The following CCDC158 variants were observed in gnomAD, a reference collection of about 807,000 sequenced individuals.
The protein encoded by CCDC158 is coiled-coil domain containing 158.
Under a neutral mutation model 138.6 loss-of-function variants are expected in CCDC158, and 116 were observed. That is an observed-to-expected ratio of 0.84 (90% CI 0.72 to 0.98). The LOEUF (loss-of-function observed/expected upper bound fraction) is 0.98. CCDC158 is among the 50% of genes least tolerant of loss of function. CCDC158 has a pLI of 0.00. For synonymous variants in CCDC158, 436 were observed against 442.4 expected (o/e 0.99, Z 0.18); for missense variants, 1,265 against 1,306.1 (o/e 0.97, Z 0.48).
chr4:76,369,646 T>C, intron 10 of CCDC158, 23 bp from the exon 11 acceptor site: 1 of 1,579,738 alleles, frequency 6.3e-7, no homozygotes, highest in Non-Finnish European at 8.7e-7. Context: ...AGGAATGCTT[T>C]TTTCCTCCCT....
At chr4:76,395,143 C>T (rs977080821) in intron 4 of CCDC158, among the ~76,000 whole-genome samples, 2 of 152,124 alleles carry the variant, frequency 1.3e-5, no homozygotes, top group Admixed American at 6.6e-5. Flanking sequence ...CAAATTAAGA[C>T]ACTGTTTCTT....
chr4:76,397,671 C>T (rs1005019231), intron 3 of CCDC158, among the ~76,000 whole-genome samples: 2 of 152,132 alleles, frequency 1.3e-5, no homozygotes, highest in African/African-American at 4.8e-5. Flanking sequence ...AGTGTTTTCA[C>T]TGTAGGAAAG....
intron 8 of CCDC158, among the ~76,000 whole-genome samples, chr4:76,379,743 TACAC>T (rs34043671): frequency 0.23 from 34,455 of 146,834 alleles, 4,508 homozygotes; most frequent in East Asian, 0.51. Flanking sequence ...TCATATATAT[TACAC>T]ACACACACAC....
intron 20 of CCDC158, 120 bp from the exon 21 acceptor site, chr4:76,331,523 AG>A: frequency 1.3e-6 from 1 of 758,100 alleles, no homozygotes. Context: ...ATCATCTGAC[AG>A]CTGGATAAAT....
At chr4:76,366,463 T>TA (rs201049626) in intron 12 of CCDC158, among the ~76,000 whole-genome samples, 3,960 of 152,236 alleles carry the variant, frequency 0.026, 160 homozygotes, top group African/African-American at 0.088. Flanking sequence ...TCAATTTTTT[T>TA]AAAAAACCCA....
Position 76,353,210 on chromosome 4 carries a change from G to GT in CCDC158, c.2357dup (p.Asn786LysfsTer23), listed in dbSNP as rs1723217808. The GT allele has an allele frequency of 2.5e-6, 4 of 1,613,204 alleles. No homozygotes were observed. The highest frequency in any genetic ancestry group is 2.5e-6 in the Non-Finnish European group (3 of 1,179,588). ...GAACTTCCAACTCCCCAGCCATCTT[G>GT]TTTTTTTCTGTGGCAACAGTACTCA... On this transcript the variant is annotated frameshift_variant, in exon 16 of 25. Transcript: ENST00000682701. LOFTEE classifies it high-confidence loss of function.
chr4:76,345,740 A>G (rs531597813), intron 18 of CCDC158: 2 of 555,604 alleles, frequency 3.6e-6, no homozygotes, highest in East Asian at 3.2e-5. Flanking sequence ...CTTAAAAAAG[A>G]GGACACAAAC....
chr4:76,333,991 T>G lies in CCDC158; in HGVS notation c.2822+19A>C. ...ATTCAAGAGATGAGCTTTCCCATTC[T>G]GTGTGCACACAGCCTTACACAGCCA... On this transcript the variant is annotated intron_variant, in intron 19 of 24. Transcript: ENST00000682701. 1 of 1,538,936 alleles carries G rather than the reference T, an allele frequency of 6.5e-7. No homozygotes were observed. Among genetic ancestry groups the G allele is most frequent in the Non-Finnish European group, 8.8e-7 (1 of 1,133,080 alleles).
intron 13 of CCDC158, among the ~76,000 whole-genome samples, chr4:76,359,219 G>C (rs1723887697): frequency 6.6e-6 from 1 of 152,186 alleles, no homozygotes; most frequent in Non-Finnish European, 1.5e-5. Context: ...CTGCAGAACT[G>C]TGAGTCAATT....
intron 15 of CCDC158, among the ~76,000 whole-genome samples, chr4:76,354,600 T>A (rs1178812439): frequency 6.6e-6 from 1 of 152,032 alleles, no homozygotes; most frequent in Non-Finnish European, 1.5e-5. Context: ...CGTGAATGAG[T>A]CTCATTCATG....
At position 76,383,727 on chromosome 4, in the gene CCDC158, T is replaced by C. The variant is rs760376474; in HGVS notation, c.738A>G (p.Gln246=). Residue 246 remains glutamine, a synonymous_variant, in exon 7 of 25, where the codon CAA becomes CAG. Coordinates refer to ENST00000682701, the MANE Select transcript of CCDC158 (RefSeq NM_001394954.1). ...LKGRIFPVED[Q]LEALKSESQN... The stretch of plus-strand genomic sequence containing the variant: ...GTGATTCAGATTTCAGTGCTTCAAG[T>C]TGATCCTCTACCTGGTTTTTAAAAA... The C allele has an allele frequency of 9.9e-6, 16 of 1,612,672 alleles. No homozygotes were observed. In the Admixed American group the frequency reaches 1.3e-4, roughly 13 times the overall value.
intron 23 of CCDC158, among the ~76,000 whole-genome samples, chr4:76,323,920 C>T (rs1435035124): frequency 6.6e-6 from 1 of 152,134 alleles, no homozygotes; most frequent in Non-Finnish European, 1.5e-5. Flanking sequence ...TCACACTGAA[C>T]CTAGAACAAA....
intron 1 of CCDC158, among the ~76,000 whole-genome samples, chr4:76,419,350 T>C (rs1233006944): frequency 1.6e-3 from 1 of 618 alleles, no homozygotes; most frequent in African/African-American, 1.9e-3. Context: ...CAGTACAGCA[T>C]GTATGTGATT....
At chr4:76,411,488 T>C (rs1415441707) in intron 2 of CCDC158, among the ~76,000 whole-genome samples, 1 of 152,168 alleles carries the variant, frequency 6.6e-6, no homozygotes, top group African/African-American at 2.4e-5. Context: ...CATTTTCCCA[T>C]AATAAAGAGC....
At chr4:76,398,377 T>C (rs1378073023) in intron 3 of CCDC158, among the ~76,000 whole-genome samples, 1 of 152,120 alleles carries the variant, frequency 6.6e-6, no homozygotes, top group African/African-American at 2.4e-5. Context: ...TAAAAGTATA[T>C]ATCACTTGGC....
chr4:76,387,551 G>A (rs1467900127), intron 4 of CCDC158, among the ~76,000 whole-genome samples: 1 of 152,056 alleles, frequency 6.6e-6, no homozygotes, highest in Non-Finnish European at 1.5e-5. Flanking sequence ...TAGGCTGGGT[G>A]CGGTAGCTCA....
chr4:76,407,597 C>T (rs936328206), intron 2 of CCDC158, among the ~76,000 whole-genome samples: 3 of 152,020 alleles, frequency 2.0e-5, no homozygotes, highest in Admixed American at 1.3e-4. Context: ...TGGGATTCTT[C>T]AGGATAATGA....
At chr4:76,313,570 A>G (rs886134983) in intron 24 of CCDC158, among the ~76,000 whole-genome samples, 5 of 152,200 alleles carry the variant, frequency 3.3e-5, no homozygotes, top group Non-Finnish European at 7.3e-5. Context: ...GATTACAGAC[A>G]TAAGCCACTG....
At chr4:76,395,334 T>C (rs759951455) in intron 4 of CCDC158, among the ~76,000 whole-genome samples, 1 of 152,194 alleles carries the variant, frequency 6.6e-6, no homozygotes, top group African/African-American at 2.4e-5. Flanking sequence ...TTTCAACACT[T>C]AATAAAATTG....
Sources: allele counts gnomAD v4.1 joint callset (sites outside exome capture counted in the v4.1 genomes callset), GRCh38; gene constraint gnomAD v4.1.1; transcripts MANE v1.5; gene names NCBI Gene and HGNC (gene_info 2026-07-23, HGNC 2026-07-21).